GMDS: variants seen among roughly 807,000 people sequenced by gnomAD.
GMDS encodes GDP-mannose 4,6 dehydratase.
In GMDS, 20 loss-of-function variants were observed where a neutral mutation model predicts 49.9. The ratio of observed to expected loss-of-function variants is 0.40; its 90% CI spans 0.28 to 0.58. The LOEUF (loss-of-function observed/expected upper bound fraction) is 0.58, where lower values mean the gene tolerates loss of function less well. Among genes scored for constraint, GMDS ranks in the 20% least tolerant of loss-of-function variants. GMDS has a pLI of 0.42. For missense variants in GMDS, 362 were observed against 481.4 expected, an observed-to-expected ratio of 0.75 and a Z score of 2.32; for synonymous variants, 177 against 178.6, an observed-to-expected ratio of 0.99 and a Z score of 0.07.
At chr6:2,025,427 G>A (rs1768536244) in intron 4 of GMDS, among the ~76,000 whole-genome samples, 2 of 145,884 alleles carry the variant, frequency 1.4e-5, no homozygotes, top group South Asian at 4.4e-4. Flanking sequence ...TATTTATTAA[G>A]TGCCTATTAA....
intron 1 of GMDS, among the ~76,000 whole-genome samples, chr6:2,181,134 C>A (rs995325089): frequency 2.8e-5 from 4 of 144,598 alleles, no homozygotes; most frequent in Admixed American, 2.8e-4. Flanking sequence ...GAGATCACAC[C>A]ACTGCACTCC....
chr6:1,700,561 T>G (rs1455451098), intron 9 of GMDS, among the ~76,000 whole-genome samples: 1 of 152,198 alleles, frequency 6.6e-6, no homozygotes, highest in Non-Finnish European at 1.5e-5. Flanking sequence ...AGTCAGGAGC[T>G]GCACGGCCAC....
At chr6:2,197,395 T>C (rs764693522) in intron 1 of GMDS, among the ~76,000 whole-genome samples, 1 of 152,200 alleles carries the variant, frequency 6.6e-6, no homozygotes, top group Non-Finnish European at 1.5e-5. Context: ...GGAAGGTAGA[T>C]AGTTTCAGGG....
chr6:1,905,788 A>G (rs1760740417), intron 7 of GMDS, among the ~76,000 whole-genome samples: 1 of 123,014 alleles, frequency 8.1e-6, no homozygotes, highest in Admixed American at 7.6e-5. Context: ...GGGCCAGCAC[A>G]TAGCTGTGGG....
chr6:1,997,146 G>C (rs1315823714), intron 4 of GMDS, among the ~76,000 whole-genome samples: 1 of 152,026 alleles, frequency 6.6e-6, no homozygotes, highest in Admixed American at 6.5e-5. Context: ...AGATAGCAAA[G>C]TTGGTTCTGA....
chr6:2,016,937 C>T (rs1322658845), intron 4 of GMDS, among the ~76,000 whole-genome samples: 1 of 151,870 alleles, frequency 6.6e-6, no homozygotes, highest in Non-Finnish European at 1.5e-5. Flanking sequence ...GTTTTAAACA[C>T]TTATAGAAAG....
At chr6:1,845,386 G>A (rs1757350163) in intron 7 of GMDS, among the ~76,000 whole-genome samples, 1 of 152,162 alleles carries the variant, frequency 6.6e-6, no homozygotes, top group East Asian at 1.9e-4. Context: ...TCAGTGATGA[G>A]CATATATATA....
intron 2 of GMDS, among the ~76,000 whole-genome samples, chr6:2,119,885 G>A (rs561920951): frequency 6.6e-6 from 1 of 152,250 alleles, no homozygotes; most frequent in East Asian, 1.9e-4. Flanking sequence ...AAAATTTCAA[G>A]TTCTTTCCAT....
At chr6:2,209,576 C>CACAT in intron 1 of GMDS, among the ~76,000 whole-genome samples, 5 of 144,924 alleles carry the variant, frequency 3.5e-5, no homozygotes, top group African/African-American at 1.4e-4. Context: ...CACATACACA[C>CACAT]ACACACACAC....
intron 7 of GMDS, among the ~76,000 whole-genome samples, chr6:1,815,343 TTATA>T (rs1467535943): frequency 6.6e-6 from 1 of 152,232 alleles, no homozygotes; most frequent in Non-Finnish European, 1.5e-5. Context: ...TCACAAAGTA[TTATA>T]TAACTTCTGT....
chr6:2,206,180 C>T (rs921405277), intron 1 of GMDS, among the ~76,000 whole-genome samples: 1 of 152,092 alleles, frequency 6.6e-6, no homozygotes, highest in Admixed American at 6.5e-5. Context: ...ATCGCTTGAA[C>T]CCGGGAGGCA....
chr6:1,929,946 T>A (rs1417565859), intron 7 of GMDS, among the ~76,000 whole-genome samples, 157 bp downstream of exon 7: 3 of 152,220 alleles, frequency 2.0e-5, no homozygotes, highest in Non-Finnish European at 2.9e-5. Flanking sequence ...CCTGAACGAC[T>A]GATCCCTGAA....
chr6:1,799,225 G>A (rs1478565265), intron 7 of GMDS, among the ~76,000 whole-genome samples: 1 of 152,100 alleles, frequency 6.6e-6, no homozygotes, highest in Non-Finnish European at 1.5e-5. Context: ...TGTGCTTCCC[G>A]CTGGCAAAGA....
intron 9 of GMDS, among the ~76,000 whole-genome samples, chr6:1,678,664 C>T (rs895275294): frequency 6.6e-6 from 1 of 151,940 alleles, no homozygotes; most frequent in African/African-American, 2.4e-5. Context: ...AAAAACCAGA[C>T]AGGATGCCGG....
chr6:2,052,444 A>G (rs1770473606), intron 4 of GMDS, among the ~76,000 whole-genome samples: 2 of 152,198 alleles, frequency 1.3e-5, no homozygotes, highest in African/African-American at 2.4e-5. Context: ...CAGAGAGAAA[A>G]ACCTCCACAC....
chr6:2,077,623 G>A (rs1256454525), intron 4 of GMDS, among the ~76,000 whole-genome samples: 3 of 152,042 alleles, frequency 2.0e-5, no homozygotes, highest in South Asian at 2.1e-4. Context: ...TGTAGCCCTG[G>A]TATAAAGCCC....
chr6:1,895,500 CTG>C (rs905504427), intron 7 of GMDS, among the ~76,000 whole-genome samples: 3 of 152,198 alleles, frequency 2.0e-5, no homozygotes, highest in Non-Finnish European at 4.4e-5. Context: ...CAATTAAAAA[CTG>C]AGCTCTTCAT....
chr6:1,809,340 C>T (rs181016518), intron 7 of GMDS, among the ~76,000 whole-genome samples: 67 of 152,270 alleles, frequency 4.4e-4, no homozygotes, highest in Admixed American at 2.4e-3. Flanking sequence ...CTGTACCGGC[C>T]GGGAGCTCAC....
intron 4 of GMDS, among the ~76,000 whole-genome samples, chr6:2,016,158 C>A (rs1374716475): frequency 2.7e-5 from 4 of 148,778 alleles, no homozygotes; most frequent in Admixed American, 2.7e-4. Context: ...ACTTGGGAGG[C>A]TGAGGTGGAA....
Sources: gnomAD v4.1 joint callset for allele counts (sites outside exome capture counted in the v4.1 genomes callset) on GRCh38, gnomAD v4.1.1 for gene constraint, MANE v1.5 for transcripts, NCBI Gene and HGNC (gene_info 2026-07-23, HGNC 2026-07-21) for gene names.